ASAP2: variants seen among roughly 807,000 people sequenced by gnomAD.
The protein encoded by ASAP2 is ArfGAP with SH3 domain, ankyrin repeat and PH domain 2, also known as arf-GAP with SH3 domain, ANK repeat and PH domain-containing protein 2.
A neutral mutation model predicts 131.4 loss-of-function variants in ASAP2; 45 were observed. The ratio of observed to expected loss-of-function variants is 0.34; its 90% CI spans 0.27 to 0.44. The LOEUF is 0.44. Ranked by LOEUF, ASAP2 falls within the 20% of genes least tolerant of loss-of-function variation. The pLI is 1.00. For synonymous variants in ASAP2, 510 were observed against 503.0 expected (o/e 1.01, Z -0.19); for missense variants, 1,011 against 1,297.0 (o/e 0.78, Z 3.39).
Position 9,374,870 on chromosome 2 carries a change from G to A in ASAP2, c.1672G>A (p.Asp558Asn), listed in dbSNP as rs150271421. The change falls in exon 17 of 28, where the codon GAT (aspartate) becomes AAT (asparagine). Residue 558 changes from aspartate to asparagine, a missense_variant. Around this residue, in one of 2 missense-constraint regions of ASAP2, gnomAD observed 652 missense variants for 698.9 expected, o/e 0.93. Transcript: ENST00000281419. ...TCTTTGCGAGGCCGTCAAAACGAGA[G>A]ATATTTTTGGATTGCTCCAAGCTTA... Reference protein sequence around the residue: ...HSLCEAVKTRDIFGLLQAYAD... With the variant: ...HSLCEAVKTRNIFGLLQAYAD... The A allele has an allele frequency of 1.2e-6, 2 of 1,613,708 alleles. No homozygotes were observed. The highest frequency in any genetic ancestry group is 1.1e-5 in the South Asian group (1 of 91,050).
intron 24 of ASAP2, among the ~76,000 whole-genome samples, chr2:9,396,766 C>T (rs1676177979): frequency 6.6e-6 from 1 of 152,164 alleles, no homozygotes; most frequent in Non-Finnish European, 1.5e-5. Context: ...CTTTGGGAGG[C>T]CAAGGTGGGT....
chr2:9,350,824 C>T lies in ASAP2; in HGVS notation c.1040C>T (p.Ala347Val). 6.2e-7 allele frequency: 1 copy of T among 1,613,596 alleles called. No homozygotes were observed. Among genetic ancestry groups the T allele is most frequent in the Non-Finnish European group, 8.5e-7 (1 of 1,179,718 alleles). ...ISHGTANRPP[A>V]KLNLLTCQVK... ...TTTAAACAGGCTAACCGGCCTCCTGCAAAGCTCAACCTGCTAACCTGCCAG... is the reference window on the plus strand; with the variant it reads ...TTTAAACAGGCTAACCGGCCTCCTGTAAAGCTCAACCTGCTAACCTGCCAG... Residue 347 changes from alanine to valine, a missense_variant, in exon 12 of 28, where the codon GCA (alanine) becomes GTA (valine). Ala to Val is a moderately conservative substitution (Grantham distance 64, BLOSUM62 0). Around this residue, in one of 2 missense-constraint regions of ASAP2, gnomAD observed 359 missense variants for 598.1 expected, o/e 0.60. Transcript: ENST00000281419.
intron 1 of ASAP2, among the ~76,000 whole-genome samples, chr2:9,211,846 A>G (rs1055079451): frequency 6.6e-6 from 1 of 152,228 alleles, no homozygotes; most frequent in South Asian, 2.1e-4. Flanking sequence ...AGTTCCTCCA[A>G]GTCCCCAGAA....
At chr2:9,280,287 G>T (rs1218110497) in intron 2 of ASAP2, among the ~76,000 whole-genome samples, 2 of 152,292 alleles carry the variant, frequency 1.3e-5, no homozygotes, top group East Asian at 3.9e-4. Context: ...GACAGGGAGT[G>T]CCTTAGATGG....
At chr2:9,390,913 TA>T in intron 22 of ASAP2, 148 bp from the exon 23 acceptor site, 1 of 1,169,718 alleles carries the variant, frequency 8.5e-7, no homozygotes, top group Non-Finnish European at 1.2e-6. Flanking sequence ...GAGACAGGAG[TA>T]AAAGCATTGA....
intron 7 of ASAP2, among the ~76,000 whole-genome samples, chr2:9,329,672 C>G (rs10185363): frequency 0.42 from 63,880 of 152,124 alleles, 14,934 homozygotes; most frequent in African/African-American, 0.64. Flanking sequence ...CGATGGCCCA[C>G]CTGGCTTCGT....
chr2:9,328,247 A>G (rs564162350), intron 7 of ASAP2, among the ~76,000 whole-genome samples: 1 of 152,334 alleles, frequency 6.6e-6, no homozygotes, highest in East Asian at 1.9e-4. Flanking sequence ...TTTGTGGGAT[A>G]TTGAAAATAT....
intron 19 of ASAP2, among the ~76,000 whole-genome samples, chr2:9,380,426 G>A (rs1401728177): frequency 1.3e-5 from 2 of 152,106 alleles, no homozygotes; most frequent in African/African-American, 4.8e-5. Context: ...TCGAACTCCT[G>A]ACCTCAAATG....
intron 1 of ASAP2, among the ~76,000 whole-genome samples, chr2:9,243,894 C>T (rs1392504328): frequency 6.6e-6 from 1 of 152,126 alleles, no homozygotes; most frequent in Admixed American, 6.6e-5. Context: ...TTTTTGTTCC[C>T]TCCCCAGAAT....
intron 3 of ASAP2, among the ~76,000 whole-genome samples, chr2:9,317,627 C>T (rs1010765521): frequency 6.6e-6 from 1 of 151,646 alleles, no homozygotes; most frequent in Non-Finnish European, 1.5e-5. Flanking sequence ...ATCACACCCA[C>T]ACACACCCAT....
At position 9,281,854 on chromosome 2, in the gene ASAP2, A is replaced by G. The variant is rs999235893; in HGVS notation, c.199+2465A>G. The stretch of plus-strand genomic sequence containing the variant: ...CACTGTGAGCCTCAGGTGAGTAAAT[A>G]CTGCAGAGCACCAGATGAGTTCCGA... On this transcript the variant is annotated intron_variant, in intron 2 of 27. Transcript: ENST00000281419. This position sits in a 1 kb window ranked among gnomAD's most constrained non-coding sequence, Gnocchi z 4.0. Among the ~76,000 whole-genome samples the G allele has an allele frequency of 6.6e-6, 1 of 152,134 alleles. No individual in the cohort carries two copies. Among genetic ancestry groups the G allele is most frequent in the Non-Finnish European group, 1.5e-5 (1 of 68,014 alleles).
chr2:9,225,403 T>C (rs1419589827), intron 1 of ASAP2, among the ~76,000 whole-genome samples: 1 of 152,170 alleles, frequency 6.6e-6, no homozygotes, highest in Non-Finnish European at 1.5e-5. Context: ...CTTGGTATGG[T>C]GACCCAGGGA....
At chr2:9,355,972 TA>T in intron 12 of ASAP2, 74 bp from the exon 13 acceptor site, 1 of 1,542,732 alleles carries the variant, frequency 6.5e-7, no homozygotes, top group Non-Finnish European at 9.0e-7. Flanking sequence ...AGAGGCTAAT[TA>T]GAAACTATTT....
At chr2:9,395,608 T>C (rs1448617747) in intron 24 of ASAP2, among the ~76,000 whole-genome samples, 23 of 100,938 alleles carry the variant, frequency 2.3e-4, no homozygotes, top group Admixed American at 6.4e-4. Flanking sequence ...TTTTTTTTTT[T>C]TTTTTTTTTT....
intron 1 of ASAP2, among the ~76,000 whole-genome samples, chr2:9,235,858 C>T (rs1663515063): frequency 6.6e-6 from 1 of 152,174 alleles, no homozygotes; most frequent in African/African-American, 2.4e-5. Flanking sequence ...CCATGAATGG[C>T]AAGGGCAGTG....
chr2:9,279,021 G>A (rs941135820), intron 1 of ASAP2, among the ~76,000 whole-genome samples: 5 of 152,212 alleles, frequency 3.3e-5, no homozygotes, highest in South Asian at 2.1e-4. Context: ...GAGGGCTCAC[G>A]TCCAGCAGGT....
intron 18 of ASAP2, among the ~76,000 whole-genome samples, 194 bp from the exon 19 acceptor site, chr2:9,378,747 CCTT>C (rs934268441): frequency 6.6e-6 from 1 of 152,218 alleles, no homozygotes; most frequent in African/African-American, 2.4e-5. Context: ...TCCCTGATGA[CCTT>C]CTGCTAAGGC....
chr2:9,388,572 G>T (rs909184373), intron 22 of ASAP2, 26 bp downstream of exon 22: 3 of 1,603,106 alleles, frequency 1.9e-6, no homozygotes, highest in Non-Finnish European at 2.5e-6. Flanking sequence ...TCATCCCTGT[G>T]AATATATAGA....
At chr2:9,210,598 A>G (rs1363565960) in intron 1 of ASAP2, among the ~76,000 whole-genome samples, 2 of 151,412 alleles carry the variant, frequency 1.3e-5, no homozygotes, top group Admixed American at 1.3e-4. Flanking sequence ...TCTGTCGCCC[A>G]GGCTGGAGTG....
Sources: allele counts gnomAD v4.1 joint callset (sites outside exome capture counted in the v4.1 genomes callset), GRCh38; gene constraint gnomAD v4.1.1; regional missense constraint gnomAD v4.1.1; non-coding constraint Gnocchi (gnomAD v3.1); transcripts MANE v1.5; gene names NCBI Gene and HGNC (gene_info 2026-07-23, HGNC 2026-07-21).